ADH1A: variants seen among roughly 807,000 people sequenced by gnomAD.
The protein encoded by ADH1A is alcohol dehydrogenase 1A (class I), alpha polypeptide.
Under a neutral mutation model 35.2 loss-of-function variants are expected in ADH1A, and 29 were observed. The ratio of observed to expected loss-of-function variants is 0.82; its 90% CI spans 0.61 to 1.12. The LOEUF is 1.12. ADH1A is among the 50% of genes most tolerant of loss of function. The probability of loss-of-function intolerance (pLI) is 0.00; values close to 1 mark genes in which losing one functional copy is unlikely to be tolerated. For missense variants in ADH1A, 469 were observed against 464.7 expected (o/e 1.01, Z -0.09); for synonymous variants, 147 against 164.8 (o/e 0.89, Z 0.83).
chr4:99,288,653 T>G (rs905986501), intron 1 of ADH1A: 45 of 152,300 alleles, frequency 3.0e-4, no homozygotes, highest in African/African-American at 1.0e-3. Flanking sequence ...TGTCAAATTA[T>G]TCAACTTTGC....
intron 3 of ADH1A, among the ~76,000 whole-genome samples, chr4:99,286,099 C>A (rs778403561): frequency 5.9e-5 from 9 of 151,292 alleles, no homozygotes; most frequent in Middle Eastern, 6.8e-3. Flanking sequence ...CTGTCTATTC[C>A]ACAAGACCAA....
chr4:99,286,001 G>C lies in ADH1A; in HGVS notation c.259+849C>G, dbSNP rs536020121. On this transcript the variant is annotated intron_variant, in intron 3 of 8. Coordinates refer to ENST00000209668, the MANE Select transcript of ADH1A (RefSeq NM_000667.4). ...CGCGCCACTGCACTCCAGCCTGGGC[G>C]ACAGAGCGAGACTCCGTCTCAAAAA... is the stretch of plus-strand genomic sequence containing the variant. 1.2e-4 allele frequency among the ~76,000 whole-genome samples: 15 copies of C among 123,798 alleles called. No individual in the cohort carries two copies. The South Asian group carries it at 3.6e-3, about 30-fold the overall frequency. The allele number at this position is 123,798 out of a possible 152,430, so 81.2% of individuals were successfully genotyped here. A position where few individuals can be genotyped will look rare whatever the true frequency, so the allele number is the denominator to read the frequency against.
intron 1 of ADH1A, among the ~76,000 whole-genome samples, chr4:99,290,039 C>T (rs981598076): frequency 1.3e-5 from 2 of 152,046 alleles, no homozygotes; most frequent in East Asian, 3.9e-4. Context: ...GTGTAATACA[C>T]TCCTAACACA....
chr4:99,283,864 G>A (rs757297855), intron 5 of ADH1A, among the ~76,000 whole-genome samples: 4 of 152,116 alleles, frequency 2.6e-5, no homozygotes, highest in African/African-American at 9.7e-5. Context: ...AGTGAATTAC[G>A]CATCACTGAA....
intron 6 of ADH1A, chr4:99,282,044 G>C (rs1347249789): frequency 2.3e-6 from 1 of 429,262 alleles, no homozygotes; most frequent in East Asian, 4.0e-5. Flanking sequence ...TATTATTTAT[G>C]TTTACTTTAA....
intron 8 of ADH1A, among the ~76,000 whole-genome samples, chr4:99,277,776 T>A (rs1732905047): frequency 6.6e-6 from 1 of 152,132 alleles, no homozygotes; most frequent in South Asian, 2.1e-4. Flanking sequence ...TGATTGGAAT[T>A]TATTAAATCA....
rs1301348858 is a variant in ADH1A, at chr4:99,280,141, T to C, written c.964+3A>G. The C allele has an allele frequency of 1.2e-6, 2 of 1,613,880 alleles. No individual in the cohort carries two copies. The highest frequency in any genetic ancestry group is 1.7e-5 in the Admixed American group (1 of 60,008). On this transcript the variant is annotated splice_donor_region_variant and intron_variant, in intron 7 of 8. Transcript: ENST00000209668. Reference sequence around the variant, plus strand: ...AATTTGGCTCTGAAGCCTAACTACATACCACCAAGAATAGCTCCCTTCCAG... The same window carrying C: ...AATTTGGCTCTGAAGCCTAACTACACACCACCAAGAATAGCTCCCTTCCAG...
rs759125946 is a variant in ADH1A at position 99,282,184 on chromosome 4, T to C, written c.828+162A>G. On this transcript the variant is annotated intron_variant, in intron 6 of 8. Coordinates refer to ENST00000209668, the MANE Select transcript of ADH1A (RefSeq NM_000667.4). ...TTGCATAGTTGATAGAATAAAAGAT[T>C]CCTCATAACAATAAATTAAACAAGC... The C allele has an allele frequency of 4.2e-5, 57 of 1,359,062 alleles. No homozygotes were observed. In the African/African-American group the frequency reaches 7.7e-4, roughly 18 times the overall value. The allele number at this position is 1,359,062 out of a possible 1,614,324, so 84.2% of individuals were successfully genotyped here.
At chr4:99,285,082 T>C (rs1388730628) in intron 3 of ADH1A, among the ~76,000 whole-genome samples, 8 of 152,198 alleles carry the variant, frequency 5.3e-5, no homozygotes, top group African/African-American at 1.9e-4. Context: ...GTTACTTTCA[T>C]GTGGTGTACC....
intron 3 of ADH1A, among the ~76,000 whole-genome samples, chr4:99,285,808 G>A (rs1007174632): frequency 6.6e-6 from 1 of 151,868 alleles, no homozygotes; most frequent in Non-Finnish European, 1.5e-5. Flanking sequence ...AGATCACGAG[G>A]TCAGGAGATC....
At chr4:99,285,557 GTTACTA>G (rs1464129410) in intron 3 of ADH1A, among the ~76,000 whole-genome samples, 5 of 151,640 alleles carry the variant, frequency 3.3e-5, no homozygotes, top group Admixed American at 2.6e-4. Context: ...TAACTAATTA[GTTACTA>G]TTAGTATTAT....
intron 8 of ADH1A, among the ~76,000 whole-genome samples, chr4:99,278,137 G>A (rs1204134309): frequency 6.6e-6 from 1 of 151,984 alleles, no homozygotes; most frequent in Non-Finnish European, 1.5e-5. Context: ...ATTTAGGCAT[G>A]CTTCATGACT....
intron 1 of ADH1A, among the ~76,000 whole-genome samples, chr4:99,290,270 G>A (rs1302983939): frequency 6.6e-6 from 1 of 152,072 alleles, no homozygotes; most frequent in Non-Finnish European, 1.5e-5. Context: ...TTTATATGGG[G>A]AAGATACTGT....
intron 6 of ADH1A, chr4:99,281,269 C>T (rs1385909611): frequency 2.0e-5 from 3 of 152,108 alleles, no homozygotes; most frequent in Admixed American, 2.0e-4. Context: ...GCAATGGAAA[C>T]GTGTTGGTCT....
rs1357647382 is a variant in ADH1A at position 99,282,459 on chromosome 4, T to C, written c.715A>G (p.Thr239Ala). 1 of 1,614,146 alleles carries C rather than the reference T, an allele frequency of 6.2e-7. No homozygotes were observed. Among genetic ancestry groups the C allele is most frequent in the Non-Finnish European group, 8.5e-7 (1 of 1,180,042 alleles). Residue 239 changes from threonine to alanine, a missense_variant, in exon 6 of 9, where the codon ACT (threonine) becomes GCT (alanine). By Grantham distance (58) the Thr-to-Ala change is moderately conservative. Transcript: ENST00000209668. The part of the protein sequence containing the change: ...KFAKAKELGA[T>A]ECINPQDYKK... Reference sequence around the variant, plus strand: ...TAGTCTTGAGGGTTGATGCATTCAGTGGCACCCAACTCTTTGGCCTTTGCA... The same window carrying C: ...TAGTCTTGAGGGTTGATGCATTCAGCGGCACCCAACTCTTTGGCCTTTGCA...
At chr4:99,284,965 C>G (rs1733113445) in intron 3 of ADH1A, among the ~76,000 whole-genome samples, 162 bp from the exon 4 acceptor site, 1 of 152,220 alleles carries the variant, frequency 6.6e-6, no homozygotes, top group Non-Finnish European at 1.5e-5. Flanking sequence ...TTGCCTGCCA[C>G]AGCCTTGTTT....
chr4:99,284,347 G>A (rs1185324267), intron 5 of ADH1A, 52 bp downstream of exon 5: 2 of 1,569,668 alleles, frequency 1.3e-6, no homozygotes, highest in African/African-American at 2.7e-5. Flanking sequence ...CTTCCCTTTG[G>A]GTTCCTGACA....
chr4:99,286,527 A>G, intron 3 of ADH1A: 1 of 269,596 alleles, frequency 3.7e-6, no homozygotes, highest in South Asian at 7.5e-5. Context: ...CACCAACACT[A>G]ACACGGAAGT....
intron 1 of ADH1A, among the ~76,000 whole-genome samples, chr4:99,290,505 C>T (rs1733265001): frequency 6.6e-6 from 1 of 152,024 alleles, no homozygotes; most frequent in Non-Finnish European, 1.5e-5. Flanking sequence ...CTTGTATTCA[C>T]AAAAAATATA....
Sources: gnomAD v4.1 joint callset for allele counts (sites outside exome capture counted in the v4.1 genomes callset) on GRCh38, gnomAD v4.1.1 for gene constraint, MANE v1.5 for transcripts, NCBI Gene and HGNC (gene_info 2026-07-23, HGNC 2026-07-21) for gene names.